Variants in TSPOAP1 observed in about 807,000 individuals in gnomAD.
TSPOAP1 encodes TSPO associated protein 1.
A neutral mutation model predicts 197.0 loss-of-function variants in TSPOAP1; 87 were observed. That is an observed-to-expected ratio of 0.44 (90% CI 0.37 to 0.53). The LOEUF (loss-of-function observed/expected upper bound fraction) is 0.53, where lower values mean the gene tolerates loss of function less well. TSPOAP1 is among the 20% of genes least tolerant of loss of function. TSPOAP1 has a pLI of 0.00. For missense variants in TSPOAP1, 2,174 were observed against 2,411.3 expected (o/e 0.90, Z 2.06); for synonymous variants, 913 against 998.9 (o/e 0.91, Z 1.62).
chr17:58,324,579 G>A lies in TSPOAP1; in HGVS notation c.942+232C>T, dbSNP rs1971512890. 6.6e-6 allele frequency among the ~76,000 whole-genome samples: 1 copy of A among 152,054 alleles called. No homozygotes were observed. The highest frequency in any genetic ancestry group is 2.1e-4 in the South Asian group (1 of 4,834). The stretch of plus-strand genomic sequence containing the variant: ...GCCGGCCAGGCCCCGCTGGGCGCAG[G>A]CCTATGGAGGGCGGAACCCTGGAGC... On this transcript the variant is annotated intron_variant, in intron 5 of 31. Coordinates refer to ENST00000343736, the MANE Select transcript of TSPOAP1 (RefSeq NM_004758.4). The surrounding 1 kb of genome is among the most constrained non-coding windows in gnomAD (Gnocchi z 5.8).
At chr17:58,320,348 C>T (rs1971368535) in intron 11 of TSPOAP1, among the ~76,000 whole-genome samples, 183 bp downstream of exon 11, 2 of 152,176 alleles carry the variant, frequency 1.3e-5, no homozygotes, top group Non-Finnish European at 2.9e-5. Context: ...GAGCCCCCTG[C>T]CCAGCCGTGC....
Position 58,322,798 on chromosome 17 carries a change from G to A in TSPOAP1, c.1195-22C>T, listed in dbSNP as rs377764366. Reference sequence around the variant, plus strand: ...CCACCTGGCGAGGGGGCAGTGACAGGGAGTTGGGTGGGTGAGCCTTGACCC... The same window carrying A: ...CCACCTGGCGAGGGGGCAGTGACAGAGAGTTGGGTGGGTGAGCCTTGACCC... On this transcript the variant is annotated intron_variant, in intron 8 of 31. Transcript: ENST00000343736. This position sits in a 1 kb window ranked among gnomAD's most constrained non-coding sequence, Gnocchi z 5.0. 5.0e-6 allele frequency: 8 copies of A among 1,611,946 alleles called. No homozygotes were observed. The South Asian group carries it at 7.7e-5, about 15-fold the overall frequency.
intron 14 of TSPOAP1, among the ~76,000 whole-genome samples, chr17:58,317,899 T>C (rs1306555455): frequency 4.6e-5 from 7 of 152,252 alleles, no homozygotes; most frequent in Non-Finnish European, 1.0e-4. Context: ...AAGGCAAAGC[T>C]GGGATTTGAA....
At position 58,309,253 on chromosome 17, in the gene TSPOAP1, T is replaced by C. The variant is rs1481403625; in HGVS notation, c.4019A>G (p.Glu1340Gly). 6.2e-7 allele frequency: 1 copy of C among 1,613,864 alleles called. No individual in the cohort carries two copies. Residue 1340 changes from glutamate to glycine, a missense_variant, in exon 22 of 32, where the codon GAG (glutamate) becomes GGG (glycine). By Grantham distance (98) the Glu-to-Gly change is moderately conservative. Coordinates refer to ENST00000343736, the MANE Select transcript of TSPOAP1 (RefSeq NM_004758.4). This position sits in a 1 kb window ranked among gnomAD's most constrained non-coding sequence, Gnocchi z 5.0. ...FSIPEEEEEE[E>G]EDEEEEKSGA... ...TGACTTCTCCTCCTCCTCGTCCTCC[T>C]CTTCCTCTTCCTCCTCCTCCGGGAT...
At chr17:58,308,135 C>T (rs1427499579) in intron 22 of TSPOAP1, among the ~76,000 whole-genome samples, 194 bp from the exon 23 acceptor site, 1 of 152,152 alleles carries the variant, frequency 6.6e-6, no homozygotes, top group African/African-American at 2.4e-5. Flanking sequence ...GAGGGGAGGC[C>T]CCAGCCCCAG....
rs376616029 is a variant in TSPOAP1, at chr17:58,320,546, G to A, written c.1458C>T (p.Ala486=). The change falls in exon 11 of 32, where the codon GCC becomes GCT. Residue 486 remains alanine, a synonymous_variant. Transcript: ENST00000343736. ...QAEAQREHEG[A]VQLLESTLDS... Reference sequence around the variant, plus strand: ...GGCGCCCTACCTCCAGCAGCTGCACGGCTCCTTCATGTTCCCTCTGGGCTT... The same window carrying A: ...GGCGCCCTACCTCCAGCAGCTGCACAGCTCCTTCATGTTCCCTCTGGGCTT... 177 of 1,503,672 alleles carry A rather than the reference G, an allele frequency of 1.2e-4. 1 individual carries two copies. The highest frequency in any genetic ancestry group is 4.7e-4 in the South Asian group (34 of 72,868). The allele number at this position is 1,503,672 out of a possible 1,614,324, so 93.1% of individuals were successfully genotyped here. A position where few individuals can be genotyped will look rare whatever the true frequency, so the allele number is the denominator to read the frequency against.
intron 15 of TSPOAP1, 83 bp from the exon 16 acceptor site, chr17:58,316,215 G>T: frequency 8.0e-7 from 1 of 1,257,052 alleles, no homozygotes; most frequent in Non-Finnish European, 1.2e-6. Flanking sequence ...CCACTGCACT[G>T]AGCCTTTACG....
Position 58,311,038 on chromosome 17 carries a change from C to T in TSPOAP1, c.3257G>A (p.Arg1086Gln), listed in dbSNP as rs572977360. 7.6e-5 allele frequency: 120 copies of T among 1,587,384 alleles called. No individual in the cohort carries two copies. In the South Asian group the frequency reaches 1.2e-3, roughly 16 times the overall value. ...PALAPASLPA[R>Q]VSCPSPHPSP... ...TGGGTGCGGTGAGGGGCAGGAGACT[C>T]GGGCTGGCAGGCTGGCCGGAGCCAG... Residue 1086 changes from arginine to glutamine, a missense_variant, in exon 19 of 32, where the codon CGA becomes CAA. Physicochemically the swap from Arg to Gln is conservative, Grantham distance 43. Coordinates refer to ENST00000343736, the MANE Select transcript of TSPOAP1 (RefSeq NM_004758.4).
chr17:58,318,210 G>A, intron 14 of TSPOAP1, 70 bp downstream of exon 14: 1 of 1,559,758 alleles, frequency 6.4e-7, no homozygotes, highest in Non-Finnish European at 8.7e-7. Flanking sequence ...CCCAGAAGAG[G>A]TCAGGGCCAC....
At position 58,312,499 on chromosome 17, in the gene TSPOAP1, G is replaced by T; in HGVS notation, c.2322C>A (p.Asp774Glu). Residue 774 changes from aspartate (D) to glutamate (E), a missense_variant, in exon 17 of 32, where the codon GAC becomes GAA. Asp to Glu is a conservative substitution (Grantham distance 45, BLOSUM62 2). Transcript: ENST00000343736. ...QPRPEEEDAGDELSLSPSPEG... is the reference protein window; with the variant it reads ...QPRPEEEDAGEELSLSPSPEG... ...CCGGTGATGGGCTCAGACTGAGCTCGTCCCCTGCATCCTCCTCCTCAGGTC... is the reference window on the plus strand; with the variant it reads ...CCGGTGATGGGCTCAGACTGAGCTCTTCCCCTGCATCCTCCTCCTCAGGTC... 1 of 1,602,668 alleles carries T rather than the reference G, an allele frequency of 6.2e-7. No homozygotes were observed. Among genetic ancestry groups the T allele is most frequent in the Non-Finnish European group, 8.5e-7 (1 of 1,174,524 alleles).
chr17:58,322,898 C>CGGGGG lies in TSPOAP1; in HGVS notation c.1194+51_1194+52insCCCCC. On this transcript the variant is annotated intron_variant, in intron 8 of 31. Coordinates refer to ENST00000343736, the MANE Select transcript of TSPOAP1 (RefSeq NM_004758.4). This position sits in a 1 kb window ranked among gnomAD's most constrained non-coding sequence, Gnocchi z 5.0. ...AGGAGAAAGCCCCTTGGCTGGGGACCGGGGCAGTGGTGGGAGCACAGGTCT... is the reference window on the plus strand; with the variant it reads ...AGGAGAAAGCCCCTTGGCTGGGGACCGGGGGGGGGCAGTGGTGGGAGCACAGGTCT... 1 of 1,601,934 alleles carries CGGGGG rather than the reference C, an allele frequency of 6.2e-7. No individual in the cohort carries two copies. The highest frequency in any genetic ancestry group is 8.5e-7 in the Non-Finnish European group (1 of 1,173,158).
Position 58,309,880 on chromosome 17 carries a change from G to T in TSPOAP1, c.3891+87C>A. 1.3e-6 allele frequency: 2 copies of T among 1,489,006 alleles called. No homozygotes were observed. Among genetic ancestry groups the T allele is most frequent in the Non-Finnish European group, 9.1e-7 (1 of 1,103,606 alleles). The allele number at this position is 1,489,006 out of a possible 1,614,324, so 92.2% of individuals were successfully genotyped here. A position where few individuals can be genotyped will look rare whatever the true frequency, so the allele number is the denominator to read the frequency against. On this transcript the variant is annotated intron_variant, in intron 21 of 31. Transcript: ENST00000343736. This position sits in a 1 kb window ranked among gnomAD's most constrained non-coding sequence, Gnocchi z 5.0. ...AGACCTAGAATGTTTCTGGCACTCA[G>T]TGGTGGTCAGAGCACCTGCTGACAC...
At chr17:58,307,464 A>G in intron 24 of TSPOAP1, 147 bp downstream of exon 24, 1 of 1,081,612 alleles carries the variant, frequency 9.2e-7, no homozygotes, top group Non-Finnish European at 1.3e-6. Context: ...AGCTAGAAGC[A>G]GCAGAGTCAG....
In TSPOAP1 at chr17:58,322,271, TCCAGCAG is replaced by T. The variant is rs1567849048; in HGVS notation, c.1422+30_1422+36del. The T allele has an allele frequency of 1.3e-6, 2 of 1,580,224 alleles. No individual in the cohort carries two copies. The highest frequency in any genetic ancestry group is 1.7e-5 in the Admixed American group (1 of 59,652). ...GAATGAGTGAGTGGCAAAGCTGGTGTCCAGCAGCCTGCCAGCTTCCCTCACTGCCGCC... is the reference window on the plus strand; with the variant it reads ...GAATGAGTGAGTGGCAAAGCTGGTGTCCTGCCAGCTTCCCTCACTGCCGCC... On this transcript the variant is annotated intron_variant, in intron 10 of 31. Transcript: ENST00000343736. The surrounding 1 kb of genome is among the most constrained non-coding windows in gnomAD (Gnocchi z 5.0).
intron 14 of TSPOAP1, among the ~76,000 whole-genome samples, chr17:58,318,076 G>A (rs1971293656): frequency 6.6e-6 from 1 of 152,208 alleles, no homozygotes; most frequent in African/African-American, 2.4e-5. Flanking sequence ...CCCAGGTGGG[G>A]CTTGCAGGCA....
intron 26 of TSPOAP1, 84 bp from the exon 27 acceptor site, chr17:58,305,949 C>T: frequency 6.6e-7 from 1 of 1,513,930 alleles, no homozygotes; most frequent in Non-Finnish European, 9.0e-7. Context: ...GACACTCGCC[C>T]ACACACAAGG....
chr17:58,306,593 G>A, intron 25 of TSPOAP1, 180 bp from the exon 26 acceptor site: 2 of 890,606 alleles, frequency 2.2e-6, no homozygotes, highest in Non-Finnish European at 3.4e-6. Flanking sequence ...TGGCTGCATG[G>A]CTGTATTCCC....
intron 11 of TSPOAP1, 31 bp downstream of exon 11, chr17:58,320,500 T>C (rs1005446270): frequency 3.3e-5 from 50 of 1,504,020 alleles, no homozygotes; most frequent in African/African-American, 5.6e-5. Flanking sequence ...CCCAAGATGG[T>C]GGAACTGGGG....
Position 58,309,428 on chromosome 17 carries a change from T to C in TSPOAP1, c.3892-48A>G, listed in dbSNP as rs771445467. 4.1e-5 allele frequency: 63 copies of C among 1,554,312 alleles called. 1 individual carries two copies. In the South Asian group the frequency reaches 7.0e-4, roughly 17 times the overall value. Reference sequence around the variant, plus strand: ...AGTAGAACACAGCAGGGAAGAGAGATGCGTGGGGAAGAGGAGAGCGAGCTG... The same window carrying C: ...AGTAGAACACAGCAGGGAAGAGAGACGCGTGGGGAAGAGGAGAGCGAGCTG... On this transcript the variant is annotated intron_variant, in intron 21 of 31. Transcript: ENST00000343736. The surrounding 1 kb of genome is among the most constrained non-coding windows in gnomAD (Gnocchi z 5.0).
Sources: allele counts gnomAD v4.1 joint callset (sites outside exome capture counted in the v4.1 genomes callset), GRCh38; gene constraint gnomAD v4.1.1; non-coding constraint Gnocchi (gnomAD v3.1); transcripts MANE v1.5; gene names NCBI Gene and HGNC (gene_info 2026-07-23, HGNC 2026-07-21).